The following DAZAP1 variants were observed in gnomAD, a reference collection of about 807,000 sequenced individuals.
DAZAP1 encodes the protein DAZ-associated protein 1.
In DAZAP1, 6 loss-of-function variants were observed where a neutral mutation model predicts 60.1. The ratio of observed to expected loss-of-function variants is 0.10; its 90% CI spans 0.05 to 0.20. The LOEUF is 0.20. Among genes scored for constraint, DAZAP1 ranks in the 10% least tolerant of loss-of-function variants. The pLI is 1.00. For synonymous variants in DAZAP1, 235 were observed against 215.9 expected (o/e 1.09, Z -0.78); for missense variants, 366 against 560.4 (o/e 0.65, Z 3.50).
In DAZAP1 at chr19:1,428,950, G is replaced by A. The variant is rs1430738393; in HGVS notation, c.655G>A (p.Ala219Thr). Residue 219 changes from alanine to threonine, a missense_variant, in exon 8 of 12, where the codon GCA becomes ACA. Transcript: ENST00000233078. This position sits in a 1 kb window ranked among gnomAD's most constrained non-coding sequence, Gnocchi z 4.0. ...RVVPNAANGW[A>T]GQPPPTWQQG... The stretch of plus-strand genomic sequence containing the variant: ...TGTGCCCAACGCTGCCAATGGCTGG[G>A]CAGGCCAGCCCCCGCCCACGTGGCA... The A allele has an allele frequency of 6.2e-7, 1 of 1,611,202 alleles. No homozygotes were observed. The highest frequency in any genetic ancestry group is 1.7e-5 in the Admixed American group (1 of 59,738).
chr19:1,433,649 T>C lies in DAZAP1; in HGVS notation c.1048+959T>C. On this transcript the variant is annotated intron_variant, in intron 11 of 11. Coordinates refer to ENST00000233078, the MANE Select transcript of DAZAP1 (RefSeq NM_018959.4). This position sits in a 1 kb window ranked among gnomAD's most constrained non-coding sequence, Gnocchi z 6.1. ...CGTGTCTGAGACTGGCAGGGGGGTG[T>C]GAGGCGCCCGGTTGGGGCGTGGCGT... 9.4e-7 allele frequency: 1 copy of C among 1,063,674 alleles called. No homozygotes were observed. Among genetic ancestry groups the C allele is most frequent in the South Asian group, 1.3e-5 (1 of 75,756 alleles). The allele number at this position is 1,063,674 out of a possible 1,614,324, so 65.9% of individuals were successfully genotyped here.
In DAZAP1 at chr19:1,422,438, C is replaced by A. The variant is rs1182256640; in HGVS notation, c.463+42C>A. Reference sequence around the variant, plus strand: ...TTTGACCTCGGCCTTCTCCCTGCTCCTCCCTCAGATGGCAAACTATCTCAC... The same window carrying A: ...TTTGACCTCGGCCTTCTCCCTGCTCATCCCTCAGATGGCAAACTATCTCAC... On this transcript the variant is annotated intron_variant, in intron 6 of 11. Transcript: ENST00000233078. The surrounding 1 kb of genome is among the most constrained non-coding windows in gnomAD (Gnocchi z 4.5). The A allele has an allele frequency of 6.9e-6, 11 of 1,595,182 alleles. No individual in the cohort carries two copies. Among genetic ancestry groups the A allele is most frequent in the Non-Finnish European group, 7.7e-6 (9 of 1,163,778 alleles).
chr19:1,434,643 G>C lies in DAZAP1; in HGVS notation c.1049-94G>C. Reference sequence around the variant, plus strand: ...ACCCCGTGGGACCCGTGGACTCAAGGCAGGCTCGGCGGAGCTGTGTCCAGG... The same window carrying C: ...ACCCCGTGGGACCCGTGGACTCAAGCCAGGCTCGGCGGAGCTGTGTCCAGG... On this transcript the variant is annotated intron_variant, in intron 11 of 11. Coordinates refer to ENST00000233078, the MANE Select transcript of DAZAP1 (RefSeq NM_018959.4). This position sits in a 1 kb window ranked among gnomAD's most constrained non-coding sequence, Gnocchi z 8.0. 1 of 1,400,032 alleles carries C rather than the reference G, an allele frequency of 7.1e-7. No individual in the cohort carries two copies. The highest frequency in any genetic ancestry group is 9.9e-7 in the Non-Finnish European group (1 of 1,009,920). The allele number at this position is 1,400,032 out of a possible 1,614,324, so 86.7% of individuals were successfully genotyped here.
rs375149560 is a variant in DAZAP1, at chr19:1,434,882, C to T, written c.1194C>T (p.Asn398=). ...GCTTTGGACGAGGGCAGAACCACAA[C>T]GTGCAAGGGTTCCACCCCTACCGAC... The part of the protein sequence containing the change: ...GSGFGRGQNH[N]VQGFHPYRR Residue 398 remains asparagine (N), a synonymous_variant, in exon 12 of 12, where the codon AAC becomes AAT. Coordinates refer to ENST00000233078, the MANE Select transcript of DAZAP1 (RefSeq NM_018959.4). This position sits in a 1 kb window ranked among gnomAD's most constrained non-coding sequence, Gnocchi z 8.0. 454 of 1,575,246 alleles carry T rather than the reference C, an allele frequency of 2.9e-4. 1 individual carries two copies. Among genetic ancestry groups the T allele is most frequent in the Non-Finnish European group, 3.6e-4 (422 of 1,161,648 alleles).
rs773538201 is a variant in DAZAP1 at position 1,430,332 on chromosome 19, C to T, written c.841C>T (p.Pro281Ser). The part of the protein sequence containing the change: ...PGGFPPPQGF[P>S]QGYGAPPQFS... ...AGGCTTTCCCCCTCCCCAGGGCTTC[C>T]CTCAGGGCTACGGTGCCCCGCCACA... The change falls in exon 10 of 12, where the codon CCT becomes TCT. Residue 281 changes from proline (P) to serine (S), a missense_variant. By Grantham distance (74) the Pro-to-Ser change is moderately conservative. Coordinates refer to ENST00000233078, the MANE Select transcript of DAZAP1 (RefSeq NM_018959.4). 1.9e-6 allele frequency: 3 copies of T among 1,557,832 alleles called. No individual in the cohort carries two copies. The highest frequency in any genetic ancestry group is 1.4e-5 in the African/African-American group (1 of 72,878).
chr19:1,422,214 C>A lies in DAZAP1; in HGVS notation c.415-134C>A. The A allele has an allele frequency of 1.3e-6, 1 of 743,314 alleles. No homozygotes were observed. The highest frequency in any genetic ancestry group is 2.3e-6 in the Non-Finnish European group (1 of 434,608). 46.0% of individuals were successfully genotyped at this position (743,314 alleles called of 1,614,324 possible). A position where few individuals can be genotyped will look rare whatever the true frequency, so the allele number is the denominator to read the frequency against. ...CAGCAGCCCCACGGAGCAGCTGTTGCCCGTGCACCTCCCCCGCTCAGGGAG... is the reference window on the plus strand; with the variant it reads ...CAGCAGCCCCACGGAGCAGCTGTTGACCGTGCACCTCCCCCGCTCAGGGAG... On this transcript the variant is annotated intron_variant, in intron 5 of 11. Transcript: ENST00000233078. This position sits in a 1 kb window ranked among gnomAD's most constrained non-coding sequence, Gnocchi z 4.5.
rs772631816 is a variant in DAZAP1 at position 1,432,497 on chromosome 19, C to T, written c.872-17C>T. The T allele has an allele frequency of 6.2e-6, 10 of 1,613,542 alleles. No homozygotes were observed. In the Admixed American group the frequency reaches 1.0e-4, roughly 16 times the overall value. ...TGCACAACGTGTCTTGTGCCTTGCC[C>T]TCTTGTACCTCTGCAGGTTTTGGCT... On this transcript the variant is annotated splice_polypyrimidine_tract_variant and intron_variant, in intron 10 of 11. Coordinates refer to ENST00000233078, the MANE Select transcript of DAZAP1 (RefSeq NM_018959.4). This position sits in a 1 kb window ranked among gnomAD's most constrained non-coding sequence, Gnocchi z 4.9.
chr19:1,432,257 G>T lies in DAZAP1; in HGVS notation c.872-257G>T. 1 of 542,926 alleles carries T rather than the reference G, an allele frequency of 1.8e-6. No homozygotes were observed. Among genetic ancestry groups the T allele is most frequent in the East Asian group, 3.3e-5 (1 of 30,330 alleles). The allele number at this position is 542,926 out of a possible 1,614,324, so 33.6% of individuals were successfully genotyped here. On this transcript the variant is annotated intron_variant, in intron 10 of 11. Coordinates refer to ENST00000233078, the MANE Select transcript of DAZAP1 (RefSeq NM_018959.4). The surrounding 1 kb of genome is among the most constrained non-coding windows in gnomAD (Gnocchi z 4.9). ...CTTGTCTGAGGCCCACCTGGCGGCTGCTCCGTGAGGAACGAGGTGGCCCTG... is the reference window on the plus strand; with the variant it reads ...CTTGTCTGAGGCCCACCTGGCGGCTTCTCCGTGAGGAACGAGGTGGCCCTG...
intron 4 of DAZAP1, among the ~76,000 whole-genome samples, chr19:1,419,726 C>G (rs2083090903): frequency 6.6e-6 from 1 of 152,170 alleles, no homozygotes; most frequent in Non-Finnish European, 1.5e-5. Context: ...ATGATTCTGA[C>G]CCATACAAAC....
chr19:1,429,360 TG>T (rs563744686), intron 8 of DAZAP1, among the ~76,000 whole-genome samples: 29 of 152,340 alleles, frequency 1.9e-4, no homozygotes, highest in African/African-American at 6.7e-4. Context: ...GTGCTGCCCC[TG>T]GGGGGCTTGA....
At position 1,432,205 on chromosome 19, in the gene DAZAP1, G is replaced by A. The variant is rs978282258; in HGVS notation, c.872-309G>A. ...TTTGTCCTTCTGAAAGAGCAATTTTGCTGTGAGGTTACTTGCTCCTTGAGT... is the reference window on the plus strand; with the variant it reads ...TTTGTCCTTCTGAAAGAGCAATTTTACTGTGAGGTTACTTGCTCCTTGAGT... On this transcript the variant is annotated intron_variant, in intron 10 of 11. Coordinates refer to ENST00000233078, the MANE Select transcript of DAZAP1 (RefSeq NM_018959.4). The surrounding 1 kb of genome is among the most constrained non-coding windows in gnomAD (Gnocchi z 4.9). The A allele has an allele frequency of 4.5e-6, 2 of 444,720 alleles. No homozygotes were observed. Among genetic ancestry groups the A allele is most frequent in the Admixed American group, 4.0e-5 (1 of 24,938 alleles). The allele number at this position is 444,720 out of a possible 1,614,324, so 27.5% of individuals were successfully genotyped here.
Position 1,434,493 on chromosome 19 carries a change from G to GA in DAZAP1, c.1049-244_1049-243insA. The GA allele has an allele frequency of 2.0e-6, 1 of 489,724 alleles. No homozygotes were observed. The highest frequency in any genetic ancestry group is 3.6e-6 in the Non-Finnish European group (1 of 275,244). 30.3% of individuals were successfully genotyped at this position (489,724 alleles called of 1,614,324 possible). ...ACAGGGAAGCGGTGAGGTTACGTGG[G>GA]CCATGGAGGGCTCTGGAAGCCGCTT... On this transcript the variant is annotated intron_variant, in intron 11 of 11. Transcript: ENST00000233078. This position sits in a 1 kb window ranked among gnomAD's most constrained non-coding sequence, Gnocchi z 8.0.
intron 4 of DAZAP1, among the ~76,000 whole-genome samples, chr19:1,420,020 T>TGA (rs2083105904): frequency 5.5e-5 from 2 of 36,050 alleles, no homozygotes; most frequent in East Asian, 1.0e-3. Context: ...AAACCATCCC[T>TGA]ACAGTCACGG....
At chr19:1,421,048 CTCTT>C in intron 4 of DAZAP1, 96 bp from the exon 5 acceptor site, 7 of 910,274 alleles carry the variant, frequency 7.7e-6, no homozygotes, top group Non-Finnish European at 1.2e-5. Context: ...TTTCAGCTGA[CTCTT>C]TAAACCAGCG....
At chr19:1,407,992 TCCTGGCGCCCCCGCCG>T (rs2082713469) in intron 1 of DAZAP1, among the ~76,000 whole-genome samples, 190 bp downstream of exon 1, 1 of 146,174 alleles carries the variant, frequency 6.8e-6, no homozygotes, top group African/African-American at 2.6e-5. Flanking sequence ...TCTGGGGGGG[TCCTGGCGCCCCCGCCG>T]CCGCTTCCCG....
chr19:1,409,657 G>A (rs1346673063), intron 1 of DAZAP1, among the ~76,000 whole-genome samples: 1 of 151,660 alleles, frequency 6.6e-6, no homozygotes, highest in Non-Finnish European at 1.5e-5. Flanking sequence ...CGGAGTCCAC[G>A]GTCTGCTCTG....
At chr19:1,424,373 C>A in intron 6 of DAZAP1, among the ~76,000 whole-genome samples, 1 of 138,106 alleles carries the variant, frequency 7.2e-6, no homozygotes, top group Non-Finnish European at 1.6e-5. Flanking sequence ...CCCTCCCCCT[C>A]CGTCTGGTTG....
intron 1 of DAZAP1, among the ~76,000 whole-genome samples, chr19:1,411,835 C>A (rs574562838): frequency 6.6e-6 from 1 of 152,226 alleles, no homozygotes; most frequent in Non-Finnish European, 1.5e-5. Flanking sequence ...CCTGGTCAGG[C>A]GGCTATGTTC....
intron 1 of DAZAP1, among the ~76,000 whole-genome samples, chr19:1,415,131 G>A (rs927715900): frequency 6.6e-6 from 1 of 152,076 alleles, no homozygotes; most frequent in Non-Finnish European, 1.5e-5. Flanking sequence ...TCAGCTGAGC[G>A]TTTCTAGCCC....
Sources: allele counts gnomAD v4.1 joint callset (sites outside exome capture counted in the v4.1 genomes callset), GRCh38; gene constraint gnomAD v4.1.1; non-coding constraint Gnocchi (gnomAD v3.1); transcripts MANE v1.5; gene names NCBI Gene and HGNC (gene_info 2026-07-23, HGNC 2026-07-21).